ROBO1: variants seen among roughly 807,000 people sequenced by gnomAD.
ROBO1 encodes the protein roundabout guidance receptor 1, also known as roundabout homolog 1.
Under a neutral mutation model 195.9 loss-of-function variants are expected in ROBO1, and 149 were observed. The observed-to-expected ratio is 0.76, with a 90% CI of 0.67 to 0.87. ROBO1 has a LOEUF of 0.87. ROBO1 is among the 40% of genes least tolerant of loss of function. The pLI is 0.00. For synonymous variants in ROBO1, 816 were observed against 733.2 expected, an observed-to-expected ratio of 1.11 and a Z score of -1.82; for missense variants, 1,933 against 2,068.3, an observed-to-expected ratio of 0.93 and a Z score of 1.27.
At position 78,858,589 on chromosome 3, in the gene ROBO1, G is replaced by A. The variant is rs929830443; in HGVS notation, c.499+80012C>T. ...CAAAAAAAAAAAAAAAAAAAAAGGA[G>A]AAGAAGAAAAATTATCTGGGCATGG... On this transcript the variant is annotated intron_variant, in intron 4 of 30. Transcript: ENST00000464233. Among the ~76,000 whole-genome samples, 21 of 147,134 alleles carry A rather than the reference G, an allele frequency of 1.4e-4. No individual in the cohort carries two copies. The South Asian group carries it at 4.1e-3, about 29-fold the overall frequency.
chr3:79,647,136 C>T (rs1031229811), intron 1 of ROBO1, among the ~76,000 whole-genome samples: 6 of 151,866 alleles, frequency 4.0e-5, no homozygotes, highest in Non-Finnish European at 8.8e-5. Context: ...GAATTACATT[C>T]CTTTGATCTT....
intron 5 of ROBO1, among the ~76,000 whole-genome samples, chr3:78,727,655 T>C (rs1272298749): frequency 6.6e-6 from 1 of 152,190 alleles, no homozygotes; most frequent in Admixed American, 6.5e-5. Context: ...ATTAAATAAT[T>C]TCATGTTTTT....
intron 2 of ROBO1, among the ~76,000 whole-genome samples, chr3:79,179,182 A>G (rs1195893551): frequency 5.9e-5 from 9 of 152,194 alleles, no homozygotes; most frequent in Admixed American, 5.9e-4. Context: ...AGGAATAGTA[A>G]CCATTCAGTT....
chr3:79,272,713 A>G (rs953394232), intron 2 of ROBO1, among the ~76,000 whole-genome samples: 1 of 152,044 alleles, frequency 6.6e-6, no homozygotes, highest in Non-Finnish European at 1.5e-5. Context: ...CCATGGAGGG[A>G]GCATTTAGAC....
At chr3:79,397,411 G>T (rs550733455) in intron 2 of ROBO1, among the ~76,000 whole-genome samples, 42 of 152,094 alleles carry the variant, frequency 2.8e-4, no homozygotes, top group African/African-American at 8.9e-4. Flanking sequence ...AGCATCTGTC[G>T]TATTGGACAA....
At chr3:79,515,147 T>G (rs767659961) in intron 2 of ROBO1, among the ~76,000 whole-genome samples, 25 of 152,246 alleles carry the variant, frequency 1.6e-4, no homozygotes, top group Non-Finnish European at 3.1e-4. Context: ...CATGGCAGCA[T>G]GCATGCAGTC....
Position 78,809,211 on chromosome 3 carries a change from T to C in ROBO1, c.500-62311A>G, listed in dbSNP as rs803674. 2.9e-3 allele frequency among the ~76,000 whole-genome samples: 435 copies of C among 150,992 alleles called. 3 individuals carry two copies. The highest frequency in any genetic ancestry group is 1.0e-2 in the African/African-American group (411 of 41,166). ...TAAACAGACACTTTTCAAAAGAAGA[T>C]ATTTATGTGACCAACAAACATATGA... On this transcript the variant is annotated intron_variant, in intron 4 of 30. Transcript: ENST00000464233.
At chr3:78,669,950 A>G (rs1707966598) in intron 11 of ROBO1, 146 bp downstream of exon 11, 2 of 618,416 alleles carry the variant, frequency 3.2e-6, no homozygotes, top group Non-Finnish European at 5.3e-6. Context: ...AAATATCTGA[A>G]AAAAATAAAA....
intron 1 of ROBO1, among the ~76,000 whole-genome samples, chr3:79,751,507 T>A (rs1006517992): frequency 6.6e-5 from 10 of 152,264 alleles, no homozygotes; most frequent in African/African-American, 2.4e-4. Flanking sequence ...TATCTGTGTT[T>A]GATAATTTAG....
chr3:79,530,458 G>A (rs1019556973), intron 2 of ROBO1, among the ~76,000 whole-genome samples: 1 of 152,156 alleles, frequency 6.6e-6, no homozygotes, highest in Non-Finnish European at 1.5e-5. Context: ...CTGTCAAAAT[G>A]TACATTGAGA....
intron 2 of ROBO1, among the ~76,000 whole-genome samples, chr3:79,456,625 A>G (rs965732160): frequency 7.9e-5 from 12 of 152,176 alleles, no homozygotes; most frequent in Non-Finnish European, 1.0e-4. Flanking sequence ...AGTTTTCTCT[A>G]TCTGAATCAA....
intron 2 of ROBO1, among the ~76,000 whole-genome samples, chr3:79,128,950 C>T (rs1017349072): frequency 2.2e-4 from 34 of 152,308 alleles, no homozygotes; most frequent in African/African-American, 7.9e-4. Context: ...CACACAGCTC[C>T]AGATTTCATC....
chr3:79,523,770 G>A (rs1941314902), intron 2 of ROBO1, among the ~76,000 whole-genome samples: 1 of 152,038 alleles, frequency 6.6e-6, no homozygotes, highest in East Asian at 1.9e-4. Context: ...CACTGCGCTC[G>A]GCCTAGACTT....
chr3:78,989,206 A>C (rs2077179528), intron 3 of ROBO1, among the ~76,000 whole-genome samples: 1 of 152,178 alleles, frequency 6.6e-6, no homozygotes, highest in African/African-American at 2.4e-5. Flanking sequence ...AGAAATAATA[A>C]ATGTTTGAGA....
At chr3:79,055,658 C>T (rs1380927558) in intron 3 of ROBO1, among the ~76,000 whole-genome samples, 2 of 151,980 alleles carry the variant, frequency 1.3e-5, no homozygotes, top group African/African-American at 4.8e-5. Flanking sequence ...TCTTATAGTG[C>T]TCCCAGTCAG....
rs113680921 is a variant in ROBO1 at position 79,145,128 on chromosome 3, A to G, written c.89-19589T>C. Among the ~76,000 whole-genome samples, 9 of 152,128 alleles carry G rather than the reference A, an allele frequency of 5.9e-5. 1 individual carries two copies. Among genetic ancestry groups the G allele is most frequent in the African/African-American group, 2.2e-4 (9 of 41,552 alleles). ...GGTTTGTCATCATGAAGCTATAACT[A>G]TCAGTTGTTGATATCCTCCAAAAAA... On this transcript the variant is annotated intron_variant, in intron 2 of 30. Coordinates refer to ENST00000464233, the MANE Select transcript of ROBO1 (RefSeq NM_002941.4).
chr3:79,157,372 C>A (rs1258044674), intron 2 of ROBO1, among the ~76,000 whole-genome samples: 1 of 151,888 alleles, frequency 6.6e-6, no homozygotes. Context: ...AGTTACAGAT[C>A]CTTGTTTAGA....
intron 1 of ROBO1, among the ~76,000 whole-genome samples, chr3:79,742,710 A>C (rs985120798): frequency 6.6e-6 from 1 of 152,148 alleles, no homozygotes; most frequent in African/African-American, 2.4e-5. Flanking sequence ...AATAGCTAAG[A>C]GTTTCTCTAA....
At chr3:79,171,555 T>C (rs951174147) in intron 2 of ROBO1, among the ~76,000 whole-genome samples, 6 of 152,108 alleles carry the variant, frequency 3.9e-5, no homozygotes, top group African/African-American at 1.4e-4. Flanking sequence ...CAGATTACAT[T>C]GTAAACAGCA....
Sources: gnomAD v4.1 joint callset for allele counts (sites outside exome capture counted in the v4.1 genomes callset) on GRCh38, gnomAD v4.1.1 for gene constraint, MANE v1.5 for transcripts, NCBI Gene and HGNC (gene_info 2026-07-23, HGNC 2026-07-21) for gene names.